TBCK: variants seen among roughly 807,000 people sequenced by gnomAD.
TBCK encodes TBC domain-containing protein kinase-like protein.
Under a neutral mutation model 113.4 loss-of-function variants are expected in TBCK, and 99 were observed. That is an observed-to-expected ratio of 0.87 (90% CI 0.74 to 1.03). The LOEUF is 1.03. TBCK is among the 50% of genes least tolerant of loss of function. TBCK has a pLI of 0.00. For synonymous variants in TBCK, 369 were observed against 370.8 expected (o/e 1.00, Z 0.05); for missense variants, 1,045 against 1,061.3 (o/e 0.98, Z 0.21).
In TBCK at chr4:106,136,911, C is replaced by G. The variant is rs1746629362; in HGVS notation, c.2236-20533G>C. ...AGAAAGAAAGATAGATGTATGAGAG[C>G]CTGTATAGGAAAATACAGAAAGAGA... is the stretch of plus-strand genomic sequence containing the variant. On this transcript the variant is annotated intron_variant, in intron 23 of 25. Coordinates refer to ENST00000394708, the MANE Select transcript of TBCK (RefSeq NM_001163435.3). 2.8e-5 allele frequency among the ~76,000 whole-genome samples: 4 copies of G among 140,538 alleles called. 2 individuals are homozygous for G. Among genetic ancestry groups the G allele is most frequent in the Admixed American group, 2.8e-4 (4 of 14,250 alleles). 92.2% of individuals were successfully genotyped at this position (140,538 alleles called of 152,430 possible).
chr4:106,069,635 T>C (rs555430854), intron 25 of TBCK, among the ~76,000 whole-genome samples: 2 of 152,344 alleles, frequency 1.3e-5, no homozygotes, highest in East Asian at 3.9e-4. Flanking sequence ...CCAACTGTTT[T>C]TTGGTTCCAT....
intron 25 of TBCK, among the ~76,000 whole-genome samples, chr4:106,092,851 C>A (rs984800448): frequency 2.6e-5 from 4 of 152,188 alleles, no homozygotes; most frequent in African/African-American, 9.6e-5. Context: ...AGTGCAGTGG[C>A]GAGCTGAAGG....
chr4:106,115,121 TG>T (rs1177807185), intron 24 of TBCK, among the ~76,000 whole-genome samples: 6 of 152,250 alleles, frequency 3.9e-5, no homozygotes, highest in Non-Finnish European at 8.8e-5. Flanking sequence ...ATGTGTAATT[TG>T]AATTTCATTT....
intron 19 of TBCK, among the ~76,000 whole-genome samples, chr4:106,215,291 G>A (rs182840585): frequency 5.5e-4 from 83 of 151,866 alleles, no homozygotes; most frequent in East Asian, 2.5e-3. Flanking sequence ...TCGAGACTAC[G>A]AAGAAACTGC....
intron 2 of TBCK, among the ~76,000 whole-genome samples, chr4:106,300,977 T>G (rs1339585740): frequency 6.6e-6 from 1 of 151,904 alleles, no homozygotes; most frequent in Non-Finnish European, 1.5e-5. Flanking sequence ...ATGAGCAGAA[T>G]TGAAGCTTCC....
At chr4:106,064,350 G>C (rs910317926) in intron 25 of TBCK, among the ~76,000 whole-genome samples, 1 of 151,516 alleles carries the variant, frequency 6.6e-6, no homozygotes, top group Non-Finnish European at 1.5e-5. Context: ...CTCTTGTCTA[G>C]GTTTCTAGAC....
chr4:106,247,560 CCTGA>C, intron 9 of TBCK: 1 of 285,122 alleles, frequency 3.5e-6, no homozygotes, highest in Non-Finnish European at 6.4e-6. Context: ...TTACTTTTAC[CCTGA>C]CTAGCATTCA....
At chr4:106,086,211 G>A (rs545625522) in intron 25 of TBCK, among the ~76,000 whole-genome samples, 1 of 152,054 alleles carries the variant, frequency 6.6e-6, no homozygotes, top group African/African-American at 2.4e-5. Flanking sequence ...GAAAAAGAGA[G>A]AAGAATCAAA....
intron 25 of TBCK, among the ~76,000 whole-genome samples, chr4:106,093,438 T>C (rs1346910693): frequency 6.6e-6 from 1 of 152,100 alleles, no homozygotes; most frequent in African/African-American, 2.4e-5. Context: ...ATCTGGGAGA[T>C]GGAGCTTGTA....
At chr4:106,186,215 G>A (rs1418565232) in intron 22 of TBCK, among the ~76,000 whole-genome samples, 1 of 152,144 alleles carries the variant, frequency 6.6e-6, no homozygotes, top group Non-Finnish European at 1.5e-5. Context: ...TGTCTTTATG[G>A]CAGAATGATT....
intron 13 of TBCK, 26 bp downstream of exon 13, chr4:106,236,733 T>C: frequency 7.5e-7 from 1 of 1,326,900 alleles, no homozygotes; most frequent in Non-Finnish European, 1.0e-6. Context: ...GAAAAATAAA[T>C]CTAAAATGAG....
At chr4:106,070,792 A>G (rs1737320689) in intron 25 of TBCK, among the ~76,000 whole-genome samples, 1 of 152,174 alleles carries the variant, frequency 6.6e-6, no homozygotes, top group South Asian at 2.1e-4. Context: ...TTTGGTTGGT[A>G]GGCTATTAAT....
chr4:106,291,074 G>A (rs1268460887), intron 3 of TBCK, among the ~76,000 whole-genome samples: 1 of 152,180 alleles, frequency 6.6e-6, no homozygotes, highest in East Asian at 1.9e-4. Context: ...CAATTAAGCT[G>A]TATCTGGTGG....
At chr4:106,156,618 A>G (rs1335750532) in intron 23 of TBCK, among the ~76,000 whole-genome samples, 1 of 152,178 alleles carries the variant, frequency 6.6e-6, no homozygotes, top group East Asian at 1.9e-4. Context: ...TCTGCTTTCC[A>G]TAGGCAGAAG....
At chr4:106,313,365 C>G (rs1768394296) in intron 1 of TBCK, among the ~76,000 whole-genome samples, 1 of 149,432 alleles carries the variant, frequency 6.7e-6, no homozygotes, top group Admixed American at 6.7e-5. Context: ...CAGTGAGACT[C>G]CAGCTCAAAA....
chr4:106,186,899 C>T (rs1184005877), intron 22 of TBCK, among the ~76,000 whole-genome samples: 1 of 152,068 alleles, frequency 6.6e-6, no homozygotes, highest in Non-Finnish European at 1.5e-5. Flanking sequence ...TATTCCCTCT[C>T]GAGTTAATCT....
intron 23 of TBCK, among the ~76,000 whole-genome samples, chr4:106,127,206 CA>C (rs35461999): frequency 0.15 from 10,050 of 65,418 alleles, 186 homozygotes; most frequent in Middle Eastern, 0.34. Context: ...GACTCCGTCT[CA>C]AAAAAAAAAA....
intron 3 of TBCK, among the ~76,000 whole-genome samples, chr4:106,266,558 C>CA (rs1763012678): frequency 6.6e-6 from 1 of 151,744 alleles, no homozygotes. Flanking sequence ...ACTTGCATGT[C>CA]AAAAAGCACA....
intron 4 of TBCK, 96 bp from the exon 5 acceptor site, chr4:106,260,606 TAAAG>T (rs1196185624): frequency 2.4e-6 from 1 of 415,888 alleles, no homozygotes; most frequent in Non-Finnish European, 4.2e-6. Flanking sequence ...ATTTTATAAC[TAAAG>T]AAACCATTAT....
Sources: allele counts gnomAD v4.1 joint callset (sites outside exome capture counted in the v4.1 genomes callset), GRCh38; gene constraint gnomAD v4.1.1; transcripts MANE v1.5; gene names NCBI Gene and HGNC (gene_info 2026-07-23, HGNC 2026-07-21).